NUP37: variants seen among roughly 807,000 people sequenced by gnomAD.
NUP37 encodes nucleoporin 37.
A neutral mutation model predicts 45.4 loss-of-function variants in NUP37; 33 were observed. The observed-to-expected ratio is 0.73, with a 90% CI of 0.55 to 0.97. NUP37 has a LOEUF of 0.97. Among genes scored for constraint, NUP37 ranks in the 50% least tolerant of loss-of-function variants. The pLI, the probability that NUP37 is intolerant of heterozygous loss-of-function variation, is 0.00. For synonymous variants in NUP37, 127 were observed against 130.7 expected (o/e 0.97, Z 0.19); for missense variants, 365 against 389.7 (o/e 0.94, Z 0.53).
chr12:102,100,490 C>T (rs1879940265), intron 4 of NUP37, among the ~76,000 whole-genome samples: 1 of 152,158 alleles, frequency 6.6e-6, no homozygotes. Flanking sequence ...TCAGTCAATG[C>T]TCATAATCCT....
intron 5 of NUP37, among the ~76,000 whole-genome samples, chr12:102,094,325 T>C (rs1207031106): frequency 1.3e-5 from 2 of 152,110 alleles, no homozygotes; most frequent in Non-Finnish European, 2.9e-5. Context: ...GTATAATAAA[T>C]CATGTAAATT....
At chr12:102,115,355 TAA>T (rs796764052) in intron 2 of NUP37, among the ~76,000 whole-genome samples, 27 of 152,328 alleles carry the variant, frequency 1.8e-4, no homozygotes, top group African/African-American at 5.3e-4. Flanking sequence ...GTGTACACTT[TAA>T]AAAGTGTAAA....
At position 102,075,104 on chromosome 12, in the gene NUP37, A is replaced by T. The variant is rs1879132424; in HGVS notation, c.774-10T>A. ...ACTAATTGTGGACCACCTAAGAAAT[A>T]AGGAAGCGTAAAATTAAGTATCGTA... On this transcript the variant is annotated splice_polypyrimidine_tract_variant and intron_variant, in intron 8 of 9. Transcript: ENST00000552283. 1 of 1,565,756 alleles carries T rather than the reference A, an allele frequency of 6.4e-7. No individual in the cohort carries two copies. Among genetic ancestry groups the T allele is most frequent in the Non-Finnish European group, 8.8e-7 (1 of 1,141,388 alleles).
chr12:102,105,992 C>T (rs1880141406), intron 3 of NUP37, among the ~76,000 whole-genome samples: 1 of 151,838 alleles, frequency 6.6e-6, no homozygotes. Context: ...CTAAGATGAT[C>T]ATCCTGGATC....
intron 2 of NUP37, 116 bp downstream of exon 2, chr12:102,118,241 CTTATCT>C: frequency 1.0e-6 from 1 of 967,020 alleles, no homozygotes; most frequent in Non-Finnish European, 1.5e-6. Context: ...CTCTATGGAT[CTTATCT>C]TTTTTTTTTT....
At chr12:102,092,116 TTC>T (rs758697168) in intron 5 of NUP37, among the ~76,000 whole-genome samples, 14 of 152,226 alleles carry the variant, frequency 9.2e-5, no homozygotes, top group Admixed American at 2.0e-4. Context: ...TTCTGTAATA[TTC>T]TGTTTATTTG....
intron 6 of NUP37, among the ~76,000 whole-genome samples, chr12:102,078,047 G>C (rs1879226227): frequency 1.3e-5 from 2 of 152,112 alleles, no homozygotes; most frequent in Admixed American, 6.5e-5. Flanking sequence ...TCAAGATTTG[G>C]CCGGGTGTGG....
At chr12:102,074,627 C>T (rs956174145) in intron 9 of NUP37, 160 bp from the exon 10 acceptor site, 25 of 562,362 alleles carry the variant, frequency 4.4e-5, no homozygotes, top group Middle Eastern at 4.4e-4. Context: ...ATTATTGATA[C>T]GCAGCTGAAA....
intron 4 of NUP37, among the ~76,000 whole-genome samples, chr12:102,100,688 T>A (rs1879945030): frequency 6.6e-6 from 1 of 152,344 alleles, no homozygotes; most frequent in Admixed American, 6.5e-5. Context: ...GTACTGATCA[T>A]TTGTTCCCAT....
chr12:102,105,048 A>C (rs1007675702), intron 3 of NUP37, among the ~76,000 whole-genome samples: 1 of 152,200 alleles, frequency 6.6e-6, no homozygotes, highest in Non-Finnish European at 1.5e-5. Flanking sequence ...TAACACTATG[A>C]AATCTTTCAA....
chr12:102,107,173 T>A (rs553921494), intron 3 of NUP37, among the ~76,000 whole-genome samples: 6 of 152,232 alleles, frequency 3.9e-5, no homozygotes, highest in African/African-American at 1.4e-4. Context: ...ACTGGCTTTC[T>A]GTGTGGTATG....
chr12:102,098,656 C>A (rs1384741844), intron 5 of NUP37, among the ~76,000 whole-genome samples: 1 of 152,004 alleles, frequency 6.6e-6, no homozygotes, highest in African/African-American at 2.4e-5. Context: ...CTCAGTCCCC[C>A]GAGTAGCTGG....
intron 7 of NUP37, 51 bp downstream of exon 7, chr12:102,077,271 C>G: frequency 6.3e-7 from 1 of 1,579,040 alleles, no homozygotes. Flanking sequence ...CATTTAGCAA[C>G]AGTTACTGCC....
At chr12:102,103,687 A>C (rs1880040556) in intron 3 of NUP37, among the ~76,000 whole-genome samples, 2 of 152,204 alleles carry the variant, frequency 1.3e-5, no homozygotes, top group Non-Finnish European at 2.9e-5. Context: ...ATCAAGTGGG[A>C]CTTATCTCTG....
At chr12:102,117,673 T>C (rs1370509714) in intron 2 of NUP37, among the ~76,000 whole-genome samples, 1 of 152,220 alleles carries the variant, frequency 6.6e-6, no homozygotes, top group Non-Finnish European at 1.5e-5. Context: ...GATTACAATG[T>C]TGTCAGATGC....
At chr12:102,091,162 TG>T (rs1428892831) in intron 5 of NUP37, among the ~76,000 whole-genome samples, 7 of 152,024 alleles carry the variant, frequency 4.6e-5, no homozygotes, top group Admixed American at 2.0e-4. Flanking sequence ...CTTGGGAGGC[TG>T]AGGCAGGCGG....
At position 102,112,190 on chromosome 12, in the gene NUP37, G is replaced by T. The variant is rs144542242; in HGVS notation, c.199C>A (p.Arg67=). The T allele has an allele frequency of 3.7e-6, 6 of 1,613,538 alleles. No homozygotes were observed. The highest frequency in any genetic ancestry group is 5.1e-6 in the Non-Finnish European group (6 of 1,179,562). Residue 67 remains arginine (R), a synonymous_variant, in exon 3 of 10, where the codon CGA becomes AGA. Coordinates refer to ENST00000552283, the MANE Select transcript of NUP37 (RefSeq NM_024057.4). ...DVEGIQYKTL[R]TFHHGVRVDG... Reference sequence around the variant, plus strand: ...ACCCTGACTCCATGGTGAAATGTTCGAAGTGTTTTATACTGAATGCCTTCA... The same window carrying T: ...ACCCTGACTCCATGGTGAAATGTTCTAAGTGTTTTATACTGAATGCCTTCA...
At chr12:102,108,520 C>G (rs908856133) in intron 3 of NUP37, among the ~76,000 whole-genome samples, 10 of 152,142 alleles carry the variant, frequency 6.6e-5, no homozygotes, top group African/African-American at 2.4e-4. Context: ...ATCTTGTGAT[C>G]GTGTGAGTCA....
At chr12:102,093,068 T>C (rs1047930336) in intron 5 of NUP37, among the ~76,000 whole-genome samples, 18 of 151,974 alleles carry the variant, frequency 1.2e-4, no homozygotes, top group African/African-American at 4.1e-4. Flanking sequence ...AGGGCAAAAA[T>C]GAGATAATTG....
Sources: allele counts gnomAD v4.1 joint callset (sites outside exome capture counted in the v4.1 genomes callset), GRCh38; gene constraint gnomAD v4.1.1; transcripts MANE v1.5; gene names NCBI Gene and HGNC (gene_info 2026-07-23, HGNC 2026-07-21).